NCOA1: variants seen among roughly 807,000 people sequenced by gnomAD.
The protein encoded by NCOA1 is Hin-2 protein.
A neutral mutation model predicts 150.9 loss-of-function variants in NCOA1; 35 were observed. That is an observed-to-expected ratio of 0.23 (90% confidence interval 0.18 to 0.31). The LOEUF (loss-of-function observed/expected upper bound fraction) is 0.31, where lower values mean the gene tolerates loss of function less well. Among genes scored for constraint, NCOA1 ranks in the 10% least tolerant of loss-of-function variants. The probability of loss-of-function intolerance (pLI) is 1.00; values close to 1 mark genes in which losing one functional copy is unlikely to be tolerated. For synonymous variants in NCOA1, 590 were observed against 630.0 expected (o/e 0.94, Z 0.95); for missense variants, 1,491 against 1,749.3 (o/e 0.85, Z 2.63).
In NCOA1 at chr2:24,639,904, GTA is replaced by G. The variant is rs778101691; in HGVS notation, c.-174-4060_-174-4059del. ...CTCTGTCTCAAAAAAAAAAAAAAAA[GTA>G]TGTGTGTGTGTATATATATATATAT... On this transcript the variant is annotated intron_variant, in intron 3 of 22. Transcript: ENST00000348332. 4.0e-5 allele frequency among the ~76,000 whole-genome samples: 2 copies of G among 49,584 alleles called. 1 individual carries two copies. The highest frequency in any genetic ancestry group is 8.2e-5 in the Non-Finnish European group (2 of 24,470). 32.5% of individuals were successfully genotyped at this position (49,584 alleles called of 152,430 possible). A position where few individuals can be genotyped will look rare whatever the true frequency, so the allele number is the denominator to read the frequency against.
At chr2:24,583,866 A>G (rs1667296635) in intron 2 of NCOA1, among the ~76,000 whole-genome samples, 1 of 152,164 alleles carries the variant, frequency 6.6e-6, no homozygotes, top group South Asian at 2.1e-4. Flanking sequence ...AAGTAGAGAG[A>G]TAATTGTGGT....
intron 8 of NCOA1, among the ~76,000 whole-genome samples, chr2:24,689,518 G>A (rs1001454853): frequency 6.6e-6 from 1 of 151,720 alleles, no homozygotes; most frequent in Non-Finnish European, 1.5e-5. Context: ...CCAAGTAGCT[G>A]GGACAACTAC....
At chr2:24,696,707 G>T (rs1473644663) in intron 10 of NCOA1, among the ~76,000 whole-genome samples, 1 of 152,110 alleles carries the variant, frequency 6.6e-6, no homozygotes, top group Non-Finnish European at 1.5e-5. Context: ...TAGCAGTGCT[G>T]ATTGTAATGG....
At chr2:24,676,885 C>T (rs778444237) in intron 7 of NCOA1, among the ~76,000 whole-genome samples, 4 of 151,830 alleles carry the variant, frequency 2.6e-5, no homozygotes, top group Admixed American at 6.6e-5. Flanking sequence ...TCTCAGAGCT[C>T]GAAGACCAGT....
intron 1 of NCOA1, among the ~76,000 whole-genome samples, chr2:24,517,028 A>ACACC (rs1434730616): frequency 4.3e-5 from 6 of 139,856 alleles, no homozygotes; most frequent in African/African-American, 1.6e-4. Flanking sequence ...ACACACACAC[A>ACACC]CCCCATTTTG....
chr2:24,543,265 A>G (rs1257580388), intron 1 of NCOA1, among the ~76,000 whole-genome samples: 2 of 152,174 alleles, frequency 1.3e-5, no homozygotes, highest in East Asian at 1.9e-4. Flanking sequence ...TAGGAAGCCA[A>G]ACTTCCTTTT....
At chr2:24,552,324 TATATA>T (rs1665864543) in intron 1 of NCOA1, among the ~76,000 whole-genome samples, 80 of 11,972 alleles carry the variant, frequency 6.7e-3, no homozygotes, top group East Asian at 0.016. Flanking sequence ...ATATATATTA[TATATA>T]TATATATATA....
At chr2:24,650,446 T>C (rs1347890437) in intron 4 of NCOA1, among the ~76,000 whole-genome samples, 3 of 152,138 alleles carry the variant, frequency 2.0e-5, no homozygotes, top group Admixed American at 6.6e-5. Context: ...TTAAAAACTT[T>C]TGTTCATTAA....
At chr2:24,601,515 A>G (rs1419219323) in intron 3 of NCOA1, among the ~76,000 whole-genome samples, 2 of 152,056 alleles carry the variant, frequency 1.3e-5, no homozygotes, top group Admixed American at 6.5e-5. Context: ...GCATCTGGTC[A>G]GATCCATAAC....
intron 7 of NCOA1, among the ~76,000 whole-genome samples, chr2:24,677,391 A>G (rs1332304506): frequency 6.6e-6 from 1 of 152,052 alleles, no homozygotes; most frequent in Non-Finnish European, 1.5e-5. Context: ...GAGACTGGGT[A>G]ATTTATAAAG....
At chr2:24,723,027 T>C (rs530016570) in intron 14 of NCOA1, among the ~76,000 whole-genome samples, 30 of 151,278 alleles carry the variant, frequency 2.0e-4, no homozygotes, top group Non-Finnish European at 3.8e-4. Context: ...GAAGTTACAT[T>C]TCATGGTTTT....
intron 3 of NCOA1, among the ~76,000 whole-genome samples, chr2:24,602,455 C>G (rs1668166167): frequency 6.6e-6 from 1 of 152,180 alleles, no homozygotes; most frequent in Non-Finnish European, 1.5e-5. Flanking sequence ...CCTACCTCAG[C>G]CTGCCTAAGT....
chr2:24,613,776 T>G (rs1176598307), intron 3 of NCOA1, among the ~76,000 whole-genome samples: 1 of 151,952 alleles, frequency 6.6e-6, no homozygotes, highest in Non-Finnish European at 1.5e-5. Flanking sequence ...GGTCTTGGCA[T>G]GGGGAGAGTG....
intron 3 of NCOA1, among the ~76,000 whole-genome samples, chr2:24,636,114 T>G (rs1377703597): frequency 6.6e-6 from 1 of 152,216 alleles, no homozygotes; most frequent in Non-Finnish European, 1.5e-5. Context: ...TTGTATTTAT[T>G]GATAGTAAAA....
At chr2:24,729,452 T>G (rs762052787) in intron 16 of NCOA1, 49 bp from the exon 17 acceptor site, 1 of 1,522,628 alleles carries the variant, frequency 6.6e-7, no homozygotes, top group Non-Finnish European at 9.0e-7. Context: ...AGCATGTTAC[T>G]TATTGGCAGA....
chr2:24,498,149 G>T (rs934944578), intron 1 of NCOA1, among the ~76,000 whole-genome samples: 1 of 152,152 alleles, frequency 6.6e-6, no homozygotes, highest in Non-Finnish European at 1.5e-5. Flanking sequence ...TTGTTTGTAA[G>T]AAACAAAAAG....
intron 2 of NCOA1, among the ~76,000 whole-genome samples, chr2:24,581,266 C>T (rs764539027): frequency 1.3e-5 from 2 of 152,208 alleles, no homozygotes; most frequent in Admixed American, 1.3e-4. Flanking sequence ...GGTCCAAGCT[C>T]TCCATGTGGT....
chr2:24,505,191 CT>C (rs774883744), intron 1 of NCOA1, among the ~76,000 whole-genome samples: 125 of 144,626 alleles, frequency 8.6e-4, no homozygotes, highest in Non-Finnish European at 8.6e-4. Flanking sequence ...TTTCTTTTTT[CT>C]TTTTTTTTTT....
chr2:24,577,908 T>C (rs1468260657), intron 2 of NCOA1, among the ~76,000 whole-genome samples: 1 of 152,198 alleles, frequency 6.6e-6, no homozygotes, highest in African/African-American at 2.4e-5. Flanking sequence ...CAAGTTATGC[T>C]TTCAAATTTA....
Sources: allele counts gnomAD v4.1 joint callset (sites outside exome capture counted in the v4.1 genomes callset), GRCh38; gene constraint gnomAD v4.1.1; transcripts MANE v1.5; gene names NCBI Gene and HGNC (gene_info 2026-07-23, HGNC 2026-07-21).